The following LRP3 variants were observed in gnomAD, a reference collection of about 807,000 sequenced individuals.
LRP3 encodes the protein low-density lipoprotein receptor-related protein 3.
A neutral mutation model predicts 58.5 loss-of-function variants in LRP3; 49 were observed. That is an observed-to-expected ratio of 0.84 (90% CI 0.67 to 1.06). LRP3 has a LOEUF of 1.06. Ranked by LOEUF, LRP3 falls within the 50% of genes least tolerant of loss-of-function variation. LRP3 has a pLI of 0.00. For synonymous variants in LRP3, 485 were observed against 492.2 expected (o/e 0.99, Z 0.20); for missense variants, 1,019 against 1,134.2 (o/e 0.90, Z 1.46).
At position 33,205,520 on chromosome 19, in the gene LRP3, C is replaced by T. The variant is rs199595100; in HGVS notation, c.750C>T (p.Pro250=). Residue 250 remains proline, a synonymous_variant, in exon 5 of 7, where the codon CCC becomes CCT. Transcript: ENST00000253193. ...CGDGSDEAGC[P]DLACGRRLGS... The stretch of plus-strand genomic sequence containing the variant: ...ACGGCTCGGATGAGGCGGGCTGCCC[C>T]GACCTGGCGTGCGGCCGGCGGCTGG... 2,061 of 1,562,118 alleles carry T rather than the reference C, an allele frequency of 1.3e-3. 3 individuals carry two copies. Among genetic ancestry groups the T allele is most frequent in the African/African-American group, 0.011 (826 of 74,282 alleles).
At position 33,194,691 on chromosome 19, in the gene LRP3, C is replaced by CAGAG; in HGVS notation, c.-95_-94insAGAG. ...CCCGAGCCCTAGCCCGAGCCCGAGC[C>CAGAG]CGAGCCGCAGCCAGAGCCAGAGCCG... On this transcript the variant is annotated 5_prime_UTR_variant, in exon 1 of 7. Coordinates refer to ENST00000253193, the MANE Select transcript of LRP3 (RefSeq NM_002333.4). 3.1e-6 allele frequency: 1 copy of CAGAG among 326,922 alleles called. No individual in the cohort carries two copies. The highest frequency in any genetic ancestry group is 1.6e-4 in the East Asian group (1 of 6,172). 20.3% of individuals were successfully genotyped at this position (326,922 alleles called of 1,614,324 possible). A position where few individuals can be genotyped will look rare whatever the true frequency, so the allele number is the denominator to read the frequency against.
chr19:33,196,052 T>A (rs1270041719), intron 1 of LRP3, among the ~76,000 whole-genome samples: 2 of 151,906 alleles, frequency 1.3e-5, no homozygotes, highest in African/African-American at 4.8e-5. Flanking sequence ...AAGGTGAAAG[T>A]AAGGGCCAAA....
chr19:33,206,926 C>G, intron 6 of LRP3, 62 bp from the exon 7 acceptor site: 1 of 1,302,038 alleles, frequency 7.7e-7, no homozygotes, highest in Non-Finnish European at 1.0e-6. Context: ...TCTCCTGCCC[C>G]TGAGCAGCCT....
At chr19:33,202,778 C>T (rs2145453015) in intron 2 of LRP3, 70 bp from the exon 3 acceptor site, 1 of 1,493,946 alleles carries the variant, frequency 6.7e-7, no homozygotes, top group South Asian at 1.3e-5. Flanking sequence ...GCTGAAGCCC[C>T]CTTCCCCCCA....
intron 1 of LRP3, among the ~76,000 whole-genome samples, chr19:33,196,008 G>C (rs1024786323): frequency 6.8e-6 from 1 of 147,740 alleles, no homozygotes; most frequent in Admixed American, 6.6e-5. Flanking sequence ...CCCACCCCCC[G>C]ACTCTGGGCC....
chr19:33,200,962 G>C (rs1330936359), intron 2 of LRP3, among the ~76,000 whole-genome samples: 1 of 152,172 alleles, frequency 6.6e-6, no homozygotes, highest in Non-Finnish European at 1.5e-5. Context: ...CTCCCTATTT[G>C]TCACAGTCCC....
At chr19:33,195,299 G>A (rs1974274488) in intron 1 of LRP3, among the ~76,000 whole-genome samples, 1 of 152,244 alleles carries the variant, frequency 6.6e-6, no homozygotes, top group Non-Finnish European at 1.5e-5. Context: ...GGCAGGGCTG[G>A]AGGAGGGTGC....
intron 3 of LRP3, 122 bp downstream of exon 3, chr19:33,203,108 C>A: frequency 8.1e-7 from 1 of 1,240,276 alleles, no homozygotes; most frequent in Non-Finnish European, 1.1e-6. Flanking sequence ...TGTGTGTGAG[C>A]AGGTGTGGGA....
Position 33,199,474 on chromosome 19 carries a change from GAA to G in LRP3, c.121+2713_121+2714del, listed in dbSNP as rs34874673. On this transcript the variant is annotated intron_variant, in intron 2 of 6. Transcript: ENST00000253193. ...GGAGACAGAGCAAGATCTTGTCTCA[GAA>G]AAAAAAAAAAAAAAAGGAGTCCCTG... 1.8e-3 allele frequency among the ~76,000 whole-genome samples: 239 copies of G among 129,842 alleles called. 2 individuals are homozygous for G. The highest frequency in any genetic ancestry group is 2.6e-3 in the Non-Finnish European group (163 of 62,154). 85.2% of individuals were successfully genotyped at this position (129,842 alleles called of 152,430 possible).
Position 33,208,778 on chromosome 19 carries a change from G to GT in LRP3, c.*1204dup. On this transcript the variant is annotated 3_prime_UTR_variant, in exon 7 of 7. Transcript: ENST00000253193. This position sits in a 1 kb window ranked among gnomAD's most constrained non-coding sequence, Gnocchi z 4.7. ...TTCCTTAAACAGGCTTCTGAGAGTC[G>GT]TATCTTTTTTCTTTTTTTTCCAGAA... 1.4e-6 allele frequency: 2 copies of GT among 1,426,828 alleles called. No individual in the cohort carries two copies. Among genetic ancestry groups the GT allele is most frequent in the South Asian group, 2.4e-5 (2 of 82,228 alleles). The allele number at this position is 1,426,828 out of a possible 1,614,324, so 88.4% of individuals were successfully genotyped here. A position where few individuals can be genotyped will look rare whatever the true frequency, so the allele number is the denominator to read the frequency against.
Position 33,205,366 on chromosome 19 carries a change from A to G in LRP3, c.596A>G (p.Asn199Ser). ...DECGDGSDEG[N>S]CSAPASEPPG... ...TGTGGAGACGGCTCTGATGAGGGCA[A>G]CTGCTCGGCGCCCGCCTCCGAGCCT... The change falls in exon 5 of 7, where the codon AAC becomes AGC. Residue 199 changes from asparagine (N) to serine (S), a missense_variant. This residue lies in a region of LRP3 where 592 missense variants were observed against 725.5 expected (regional missense o/e 0.82). Coordinates refer to ENST00000253193, the MANE Select transcript of LRP3 (RefSeq NM_002333.4). 1 of 1,602,766 alleles carries G rather than the reference A, an allele frequency of 6.2e-7. No homozygotes were observed. Among genetic ancestry groups the G allele is most frequent in the Non-Finnish European group, 8.5e-7 (1 of 1,173,086 alleles).
intron 2 of LRP3, 62 bp from the exon 3 acceptor site, chr19:33,202,786 C>T (rs1974354120): frequency 6.6e-6 from 10 of 1,512,810 alleles, no homozygotes; most frequent in Non-Finnish European, 8.9e-6. Context: ...CCCCTTCCCC[C>T]CACTGCAACC....
intron 1 of LRP3, 142 bp from the exon 2 acceptor site, chr19:33,196,588 G>T: frequency 2.8e-6 from 2 of 713,524 alleles, no homozygotes; most frequent in Non-Finnish European, 2.5e-6. Flanking sequence ...GGGCAGTCTT[G>T]GGCTGCGCTC....
In LRP3 at chr19:33,206,257, A is replaced by G. The variant is rs1160317990; in HGVS notation, c.1487A>G (p.Lys496Arg). 6.3e-7 allele frequency: 1 copy of G among 1,598,818 alleles called. No homozygotes were observed. Among genetic ancestry groups the G allele is most frequent in the Non-Finnish European group, 8.5e-7 (1 of 1,172,948 alleles). The change falls in exon 5 of 7, where the codon AAG (lysine) becomes AGG (arginine). Residue 496 changes from lysine to arginine, a missense_variant. Physicochemically the swap from Lys to Arg is conservative, Grantham distance 26. Coordinates refer to ENST00000253193, the MANE Select transcript of LRP3 (RefSeq NM_002333.4). ...GGGTGCCTGGCCGCCGTGCCCCGCA[A>G]GGTCATCACGGCGGCGCTCATTGGC... ...EHGCLAAVPR[K>R]VITAALIGSL...
Position 33,194,585 on chromosome 19 carries a change from A to G in LRP3, c.-201A>G, listed in dbSNP as rs1974264126. On this transcript the variant is annotated 5_prime_UTR_variant, in exon 1 of 7. Coordinates refer to ENST00000253193, the MANE Select transcript of LRP3 (RefSeq NM_002333.4). Reference sequence around the variant, plus strand: ...CGGCCGATGTGGCCGCGCGCGCCCTACGGGCCTGCACCGCCACCGCACAAA... The same window carrying G: ...CGGCCGATGTGGCCGCGCGCGCCCTGCGGGCCTGCACCGCCACCGCACAAA... 6.8e-6 allele frequency: 1 copy of G among 147,840 alleles called. No individual in the cohort carries two copies. The highest frequency in any genetic ancestry group is 2.0e-4 in the East Asian group (1 of 4,888). The allele number at this position is 147,840 out of a possible 1,614,324, so 9.2% of individuals were successfully genotyped here. A position where few individuals can be genotyped will look rare whatever the true frequency, so the allele number is the denominator to read the frequency against.
chr19:33,206,698 C>G lies in LRP3; in HGVS notation c.1690C>G (p.Pro564Ala). The change falls in exon 6 of 7, where the codon CCC (proline) becomes GCC (alanine). Residue 564 changes from proline (P) to alanine (A), a missense_variant. Pro to Ala is a conservative substitution (Grantham distance 27). This residue lies in a region of LRP3 where 427 missense variants were observed against 408.6 expected (regional missense o/e 1.04). Transcript: ENST00000253193. ...GCTCATCGCCCAGGGCCTCATTCCACCCGTGGAGGACTTTCCTGTCTACAG... is the reference window on the plus strand; with the variant it reads ...GCTCATCGCCCAGGGCCTCATTCCAGCCGTGGAGGACTTTCCTGTCTACAG... ...GQLIAQGLIP[P>A]VEDFPVYSAS... The G allele has an allele frequency of 6.5e-7, 1 of 1,544,964 alleles. No homozygotes were observed.
Position 33,207,525 on chromosome 19 carries a change from T to C in LRP3, c.2263T>C (p.Cys755Arg). ...LGVCRNPPPP[C>R]SPMLEASDDE... Reference sequence around the variant, plus strand: ...GGTCTGCAGGAACCCCCCGCCCCCCTGCTCCCCAATGCTGGAGGCCAGCGA... The same window carrying C: ...GGTCTGCAGGAACCCCCCGCCCCCCCGCTCCCCAATGCTGGAGGCCAGCGA... Residue 755 changes from cysteine (C) to arginine (R), a missense_variant, in exon 7 of 7, where the codon TGC (cysteine) becomes CGC (arginine). By Grantham distance (180) the Cys-to-Arg change is radical. Around this residue, in one of 2 missense-constraint regions of LRP3, gnomAD observed 427 missense variants for 408.6 expected, o/e 1.04. Transcript: ENST00000253193. The C allele has an allele frequency of 6.4e-7, 1 of 1,563,944 alleles. No homozygotes were observed.
In LRP3 at chr19:33,207,266, C is replaced by T. The variant is rs1489349241; in HGVS notation, c.2004C>T (p.Pro668=). The T allele has an allele frequency of 2.6e-6, 4 of 1,552,958 alleles. No homozygotes were observed. The highest frequency in any genetic ancestry group is 3.5e-6 in the Non-Finnish European group (4 of 1,157,352). The change falls in exon 7 of 7, where the codon CCC becomes CCT. Residue 668 remains proline (P), a synonymous_variant. Coordinates refer to ENST00000253193, the MANE Select transcript of LRP3 (RefSeq NM_002333.4). ...CCAGGGCGGCCGGAGACAGGCCCCC[C>T]AGTGCCCCCGGCCGTGCACCGGAGG... ...GSTRAAGDRP[P]SAPGRAPEVG...
Position 33,207,447 on chromosome 19 carries a change from C to T in LRP3, c.2185C>T (p.Gln729Ter), listed in dbSNP as rs370745655. 28 of 1,598,144 alleles carry T rather than the reference C, an allele frequency of 1.8e-5. No homozygotes were observed. The highest frequency in any genetic ancestry group is 2.3e-5 in the Non-Finnish European group (27 of 1,176,596). ...EPCSAQDPHPQVSTASSTLGP... is the reference protein window; with the variant it reads ...EPCSAQDPHP ...CTGCTCAGCCCAGGACCCGCACCCC[C>T]AGGTCTCCACTGCCAGCAGCACCCT... is the stretch of plus-strand genomic sequence containing the variant. The change falls in exon 7 of 7, where the codon CAG (glutamine) becomes TAG (stop). Residue 729 changes from glutamine to a stop codon, truncating the protein, a stop_gained. Coordinates refer to ENST00000253193, the MANE Select transcript of LRP3 (RefSeq NM_002333.4). LOFTEE classifies it high-confidence loss of function.
Sources: gnomAD v4.1 joint callset for allele counts (sites outside exome capture counted in the v4.1 genomes callset) on GRCh38, gnomAD v4.1.1 for gene constraint, gnomAD v4.1.1 regional missense constraint, Gnocchi (gnomAD v3.1) non-coding constraint, MANE v1.5 for transcripts, NCBI Gene and HGNC (gene_info 2026-07-23, HGNC 2026-07-21) for gene names.